The following FRAS1 variants were observed in gnomAD, a reference collection of about 807,000 sequenced individuals.
FRAS1 encodes the protein Fraser extracellular matrix complex subunit 1, also known as extracellular matrix organizing protein FRAS1.
Under a neutral mutation model 435.2 loss-of-function variants are expected in FRAS1, and 290 were observed. That is an observed-to-expected ratio of 0.67 (90% CI 0.61 to 0.73). The LOEUF is 0.73. Ranked by LOEUF, FRAS1 falls within the 30% of genes least tolerant of loss-of-function variation. The pLI is 0.00. For missense variants in FRAS1, 4,860 were observed against 5,001.5 expected (o/e 0.97, Z 0.85); for synonymous variants, 1,800 against 1,851.0 (o/e 0.97, Z 0.71).
At chr4:78,113,929 C>T (rs977796797) in intron 2 of FRAS1, among the ~76,000 whole-genome samples, 1 of 152,130 alleles carries the variant, frequency 6.6e-6, no homozygotes, top group African/African-American at 2.4e-5. Flanking sequence ...ATGGTATTGC[C>T]TAGGTTTTCT....
At position 78,529,247 on chromosome 4, in the gene FRAS1, A is replaced by G. The variant is rs561396154; in HGVS notation, c.10925+2590A>G. ...TGAAGGAAGGAAGGTGACCAGGAAAATGGTAGTTGGCTGCAGTAAGGAAGA... is the reference window on the plus strand; with the variant it reads ...TGAAGGAAGGAAGGTGACCAGGAAAGTGGTAGTTGGCTGCAGTAAGGAAGA... On this transcript the variant is annotated intron_variant, in intron 70 of 73. Coordinates refer to ENST00000512123, the MANE Select transcript of FRAS1 (RefSeq NM_025074.7). Among the ~76,000 whole-genome samples the G allele has an allele frequency of 4.6e-5, 7 of 152,280 alleles. No individual in the cohort carries two copies. The South Asian group carries it at 1.2e-3, about 27-fold the overall frequency.
intron 2 of FRAS1, among the ~76,000 whole-genome samples, chr4:78,151,882 G>A (rs1317263699): frequency 6.6e-6 from 1 of 152,164 alleles, no homozygotes; most frequent in Non-Finnish European, 1.5e-5. Context: ...ATAACCAGCA[G>A]AGTGCTAAGG....
chr4:78,128,087 AT>A (rs1030564579), intron 2 of FRAS1, among the ~76,000 whole-genome samples: 1 of 151,922 alleles, frequency 6.6e-6, no homozygotes, highest in East Asian at 1.9e-4. Context: ...TGAACTCATC[AT>A]TTTTTATGGC....
intron 30 of FRAS1, among the ~76,000 whole-genome samples, chr4:78,402,763 GTCT>G (rs1428270094): frequency 1.3e-5 from 2 of 152,048 alleles, no homozygotes; most frequent in Non-Finnish European, 2.9e-5. Flanking sequence ...TATTTGCCAC[GTCT>G]TCTTGGTTTC....
At chr4:78,160,054 G>C (rs150943746) in intron 2 of FRAS1, among the ~76,000 whole-genome samples, 2 of 152,220 alleles carry the variant, frequency 1.3e-5, no homozygotes, top group Non-Finnish European at 2.9e-5. Context: ...GTCAGAGTGG[G>C]TATCTATTGC....
chr4:78,259,676 T>C (rs1338776247), intron 6 of FRAS1, among the ~76,000 whole-genome samples: 2 of 148,162 alleles, frequency 1.3e-5, no homozygotes, highest in Non-Finnish European at 3.0e-5. Flanking sequence ...ACTCTGATGG[T>C]AGTTTCTTTT....
At chr4:78,094,364 T>C (rs1293995723) in intron 2 of FRAS1, among the ~76,000 whole-genome samples, 2 of 152,160 alleles carry the variant, frequency 1.3e-5, no homozygotes, top group Middle Eastern at 6.8e-3. Flanking sequence ...TGAATTAAAG[T>C]CACAGGCAAC....
chr4:78,513,588 C>T, intron 65 of FRAS1, 36 bp downstream of exon 65: 1 of 1,583,318 alleles, frequency 6.3e-7, no homozygotes, highest in Non-Finnish European at 8.7e-7. Context: ...TCTTTCCATG[C>T]TAGCCCAGTG....
chr4:78,430,522 C>A, intron 37 of FRAS1, 105 bp downstream of exon 37: 1 of 1,200,424 alleles, frequency 8.3e-7, no homozygotes, highest in Non-Finnish European at 1.1e-6. Flanking sequence ...CTTTGTGATA[C>A]AGACTATGAG....
intron 18 of FRAS1, among the ~76,000 whole-genome samples, chr4:78,323,954 G>A (rs1729614696): frequency 6.6e-6 from 1 of 152,116 alleles, no homozygotes; most frequent in Non-Finnish European, 1.5e-5. Flanking sequence ...GATTCAGTCG[G>A]GTGGGGGTGA....
intron 53 of FRAS1, 145 bp downstream of exon 53, chr4:78,473,742 C>A: frequency 1.7e-6 from 1 of 575,744 alleles, no homozygotes; most frequent in Non-Finnish European, 2.9e-6. Context: ...ATAATTTCAC[C>A]AAATATTTAT....
chr4:78,439,178 C>A, intron 40 of FRAS1, 114 bp downstream of exon 40: 1 of 865,096 alleles, frequency 1.2e-6, no homozygotes. Context: ...CCCAAAATAT[C>A]CAGGCAGCGG....
chr4:78,441,199 A>C lies in FRAS1; in HGVS notation c.5567A>C (p.His1856Pro). Residue 1856 changes from histidine to proline, a missense_variant, in exon 41 of 74, where the codon CAT becomes CCT. Coordinates refer to ENST00000512123, the MANE Select transcript of FRAS1 (RefSeq NM_025074.7). ...EGGRAPLSFH[H>P]FFATDDDDNL... ...GGGAGAGCACCACTCTCATTTCACC[A>C]TTTTTTTGCTACTGATGATGATGAC... 6.2e-7 allele frequency: 1 copy of C among 1,613,716 alleles called. No homozygotes were observed. Among genetic ancestry groups the C allele is most frequent in the South Asian group, 1.1e-5 (1 of 91,052 alleles).
intron 27 of FRAS1, among the ~76,000 whole-genome samples, chr4:78,381,063 C>T (rs543071378): frequency 2.0e-5 from 3 of 152,142 alleles, no homozygotes; most frequent in Non-Finnish European, 4.4e-5. Context: ...CAAGACCTCT[C>T]AACATGTGTG....
Position 78,317,434 on chromosome 4 carries a change from C to A in FRAS1, c.1886C>A (p.Pro629His), listed in dbSNP as rs187365033. The A allele has an allele frequency of 4.3e-5, 69 of 1,613,750 alleles. No individual in the cohort carries two copies. Among genetic ancestry groups the A allele is most frequent in the East Asian group, 6.7e-5 (3 of 44,894 alleles). ...TCTCACTGTACAGCCTGCAGCCCCC[C>A]CAAGGCTCTGCGTCAAGGCCACTGT... ...TPSHCTACSP[P>H]KALRQGHCLP... The change falls in exon 17 of 74, where the codon CCC becomes CAC. Residue 629 changes from proline to histidine, a missense_variant. Physicochemically the swap from Pro to His is moderately conservative, Grantham distance 77. Coordinates refer to ENST00000512123, the MANE Select transcript of FRAS1 (RefSeq NM_025074.7).
At chr4:78,391,172 G>C (rs1355863509) in intron 29 of FRAS1, among the ~76,000 whole-genome samples, 2 of 152,142 alleles carry the variant, frequency 1.3e-5, no homozygotes, top group Non-Finnish European at 2.9e-5. Context: ...CCTGGGAATG[G>C]GTAGAGGAGC....
At chr4:78,198,776 G>A (rs1722929488) in intron 2 of FRAS1, among the ~76,000 whole-genome samples, 1 of 152,108 alleles carries the variant, frequency 6.6e-6, no homozygotes, top group South Asian at 2.1e-4. Flanking sequence ...AGATGATGAA[G>A]ATGAGGACCT....
chr4:78,206,490 A>G (rs759604982), intron 2 of FRAS1, among the ~76,000 whole-genome samples: 3 of 152,278 alleles, frequency 2.0e-5, no homozygotes, highest in Non-Finnish European at 4.4e-5. Flanking sequence ...CAGCCACTGC[A>G]TTTGTGGTAA....
chr4:78,419,511 C>T (rs1733684318), intron 33 of FRAS1, among the ~76,000 whole-genome samples: 1 of 152,122 alleles, frequency 6.6e-6, no homozygotes, highest in Non-Finnish European at 1.5e-5. Context: ...AGTTCCTTCC[C>T]CGATTGGATA....
Sources: allele counts gnomAD v4.1 joint callset (sites outside exome capture counted in the v4.1 genomes callset), GRCh38; gene constraint gnomAD v4.1.1; transcripts MANE v1.5; gene names NCBI Gene and HGNC (gene_info 2026-07-23, HGNC 2026-07-21).